GFAP: variants seen among roughly 807,000 people sequenced by gnomAD.
The protein encoded by GFAP is intermediate filament protein.
In GFAP, 38 loss-of-function variants were observed where a neutral mutation model predicts 49.3. That is an observed-to-expected ratio of 0.77 (90% CI 0.60 to 1.01). The LOEUF is 1.01. Ranked by LOEUF, GFAP falls within the 50% of genes least tolerant of loss-of-function variation. The pLI, the probability that GFAP is intolerant of heterozygous loss-of-function variation, is 0.00. For synonymous variants in GFAP, 222 were observed against 236.4 expected, an observed-to-expected ratio of 0.94 and a Z score of 0.56; for missense variants, 463 against 579.1, an observed-to-expected ratio of 0.80 and a Z score of 2.06.
chr17:44,910,706 C>G (rs772576087), intron 6 of GFAP, 48 bp from the exon 7 acceptor site: 1 of 1,566,250 alleles, frequency 6.4e-7, no homozygotes, highest in East Asian at 2.3e-5. Context: ...CTGGGACACC[C>G]CTAGGCTGGG....
intron 7 of GFAP, 183 bp downstream of exon 7, chr17:44,910,432 G>A: frequency 6.3e-7 from 1 of 1,580,562 alleles, no homozygotes; most frequent in Non-Finnish European, 8.6e-7. Context: ...GCAGCTGCAA[G>A]CCCCACCTAG....
In GFAP at chr17:44,913,797, AC is replaced by A; in HGVS notation, c.548del (p.Arg183LeufsTer18). 6.2e-7 allele frequency: 1 copy of A among 1,614,094 alleles called. No homozygotes were observed. Among genetic ancestry groups the A allele is most frequent in the Non-Finnish European group, 8.5e-7 (1 of 1,180,000 alleles). On this transcript the variant is annotated frameshift_variant, in exon 3 of 9. Transcript: ENST00000588735. LOFTEE classifies it high-confidence loss of function. ...ACTCAATCTTCCTCTCCAGATCCAG[AC>A]GGGCCAGGGTGGCTTCATCTGCTTC... is the stretch of plus-strand genomic sequence containing the variant. ...RQEADEATLARLDLERKIESL... is the reference protein window; with the variant it reads ...RQEADEATLAXLDLERKIESL...
chr17:44,914,381 A>G, intron 1 of GFAP: 13 of 448,862 alleles, frequency 2.9e-5, no homozygotes, highest in South Asian at 6.0e-5. Flanking sequence ...ACACACACAC[A>G]CACGCACATG....
In GFAP at chr17:44,903,420, C is replaced by T. The variant is rs568957290; in HGVS notation, c.*3927G>A. On this transcript the variant is annotated 3_prime_UTR_variant, in exon 9 of 9. Coordinates refer to ENST00000588735, the MANE Select transcript of GFAP (RefSeq NM_002055.5). Reference sequence around the variant, plus strand: ...AGGAGGGTGGGTTTCCTTCATCCCCCAGGTTGATGAAAGACTTTTCCACCA... The same window carrying T: ...AGGAGGGTGGGTTTCCTTCATCCCCTAGGTTGATGAAAGACTTTTCCACCA... The T allele has an allele frequency of 1.6e-6, 2 of 1,252,642 alleles. No homozygotes were observed. Among genetic ancestry groups the T allele is most frequent in the Admixed American group, 7.5e-5 (2 of 26,680 alleles). The allele number at this position is 1,252,642 out of a possible 1,614,324, so 77.6% of individuals were successfully genotyped here. A position where few individuals can be genotyped will look rare whatever the true frequency, so the allele number is the denominator to read the frequency against.
In GFAP at chr17:44,911,831, G is replaced by A. The variant is rs8065473; in HGVS notation, c.781-34C>T. 263 of 1,597,860 alleles carry A rather than the reference G, an allele frequency of 1.6e-4. No individual in the cohort carries two copies. The East Asian group carries it at 2.1e-3, about 13-fold the overall frequency. ...GGGACACATATGGGGGGCTGTGTGGGCCCATGGGCAGGCACGGGCTCTGGG... is the reference window on the plus strand; with the variant it reads ...GGGACACATATGGGGGGCTGTGTGGACCCATGGGCAGGCACGGGCTCTGGG... On this transcript the variant is annotated intron_variant, in intron 4 of 8. Coordinates refer to ENST00000588735, the MANE Select transcript of GFAP (RefSeq NM_002055.5).
intron 7 of GFAP, chr17:44,909,782 G>A (rs2051715882): frequency 8.9e-7 from 1 of 1,123,182 alleles, no homozygotes; most frequent in Non-Finnish European, 1.1e-6. Flanking sequence ...GGAGCCTCAG[G>A]GATGAAAGAA....
intron 1 of GFAP, chr17:44,914,509 C>G (rs73986422): frequency 4.4e-6 from 1 of 226,474 alleles, no homozygotes; most frequent in African/African-American, 2.3e-5. Flanking sequence ...TTATGACCAC[C>G]GCTTCACAGC....
intron 1 of GFAP, chr17:44,914,636 C>T (rs1055028247): frequency 3.6e-6 from 1 of 279,238 alleles, no homozygotes; most frequent in African/African-American, 2.2e-5. Context: ...AATCCAATCT[C>T]CCTCATGGAC....
At position 44,903,435 on chromosome 17, in the gene GFAP, CT is replaced by C; in HGVS notation, c.*3911del. On this transcript the variant is annotated 3_prime_UTR_variant, in exon 9 of 9. Coordinates refer to ENST00000588735, the MANE Select transcript of GFAP (RefSeq NM_002055.5). ...CTTCATCCCCCAGGTTGATGAAAGA[CT>C]TTTCCACCAGGCTGGCAGGGCAGGG... 8.0e-7 allele frequency: 1 copy of C among 1,251,572 alleles called. No homozygotes were observed. Among genetic ancestry groups the C allele is most frequent in the Non-Finnish European group, 1.0e-6 (1 of 999,664 alleles). 77.5% of individuals were successfully genotyped at this position (1,251,572 alleles called of 1,614,324 possible). A position where few individuals can be genotyped will look rare whatever the true frequency, so the allele number is the denominator to read the frequency against.
At position 44,905,849 on chromosome 17, in the gene GFAP, T is replaced by G. The variant is rs1357600020; in HGVS notation, c.*1498A>C. 6.6e-6 allele frequency: 1 copy of G among 152,406 alleles called. No homozygotes were observed. The highest frequency in any genetic ancestry group is 1.5e-5 in the Non-Finnish European group (1 of 68,258). The allele number at this position is 152,406 out of a possible 1,614,324, so 9.4% of individuals were successfully genotyped here. On this transcript the variant is annotated 3_prime_UTR_variant, in exon 9 of 9. Transcript: ENST00000588735. The stretch of plus-strand genomic sequence containing the variant: ...CATCTCTGGGCACAGATCCCACCAG[T>G]CTGCTCACCAGTCTGCTCAGTCAAA...
Position 44,910,637 on chromosome 17 carries a change from G to C in GFAP, c.1149C>G (p.Thr383=). 6.3e-7 allele frequency: 1 copy of C among 1,585,324 alleles called. No homozygotes were observed. The highest frequency in any genetic ancestry group is 8.6e-7 in the Non-Finnish European group (1 of 1,165,790). Residue 383 remains threonine (T), a synonymous_variant, in exon 7 of 9, where the codon ACC becomes ACG. Coordinates refer to ENST00000588735, the MANE Select transcript of GFAP (RefSeq NM_002055.5). ...EENRITIPVQ[T]FSNLQIRETS... ...GACCTCGAATCTGCAGGTTGGAGAA[G>C]GTCTGCACGGGAATGGTGATCCTGA... is the stretch of plus-strand genomic sequence containing the variant.
Position 44,915,162 on chromosome 17 carries a change from G to T in GFAP, c.325C>A (p.Pro109Thr). The T allele has an allele frequency of 1.2e-6, 2 of 1,614,150 alleles. No individual in the cohort carries two copies. The highest frequency in any genetic ancestry group is 1.7e-6 in the Non-Finnish European group (2 of 1,180,032). Residue 109 changes from proline to threonine, a missense_variant, in exon 1 of 9, where the codon CCC becomes ACC. Coordinates refer to ENST00000588735, the MANE Select transcript of GFAP (RefSeq NM_002055.5). The surrounding 1 kb of genome is among the most constrained non-coding windows in gnomAD (Gnocchi z 4.1). Reference sequence around the variant, plus strand: ...TGGTAGACGTCTGCCAGCTTGGTGGGCTCCTTGGCCCGCAGCTGGTTCAGC... The same window carrying T: ...TGGTAGACGTCTGCCAGCTTGGTGGTCTCCTTGGCCCGCAGCTGGTTCAGC... Reference protein sequence around the residue: ...AELNQLRAKEPTKLADVYQAE... With the variant: ...AELNQLRAKETTKLADVYQAE...
Position 44,907,266 on chromosome 17 carries a change from G to T in GFAP, c.*81C>A. The T allele has an allele frequency of 1.5e-6, 2 of 1,318,166 alleles. No homozygotes were observed. The highest frequency in any genetic ancestry group is 2.2e-6 in the Non-Finnish European group (2 of 911,156). 81.7% of individuals were successfully genotyped at this position (1,318,166 alleles called of 1,614,324 possible). A position where few individuals can be genotyped will look rare whatever the true frequency, so the allele number is the denominator to read the frequency against. On this transcript the variant is annotated 3_prime_UTR_variant, in exon 9 of 9. Transcript: ENST00000588735. ...GGGGAGCTCAGGTCTGGGGAAATGT[G>T]CCAGCAGAGGCGGAGCAACTATCCT...
rs780071216 is a variant in GFAP at position 44,904,845 on chromosome 17, A to G, written c.*2502T>C. On this transcript the variant is annotated 3_prime_UTR_variant, in exon 9 of 9. Coordinates refer to ENST00000588735, the MANE Select transcript of GFAP (RefSeq NM_002055.5). Reference sequence around the variant, plus strand: ...CACATCCGCTTCACCCAGCTGGATGACCGGGGCATCTACTATTGCTGGAGG... The same window carrying G: ...CACATCCGCTTCACCCAGCTGGATGGCCGGGGCATCTACTATTGCTGGAGG... 25 of 1,550,488 alleles carry G rather than the reference A, an allele frequency of 1.6e-5. No individual in the cohort carries two copies. In the Middle Eastern group the frequency reaches 5.0e-4, roughly 31 times the overall value.
At chr17:44,910,194 C>A in intron 7 of GFAP, 1 of 1,613,816 alleles carries the variant, frequency 6.2e-7, no homozygotes, top group East Asian at 2.2e-5. Context: ...TGGTATAACT[C>A]GTATTGTGAG....
At chr17:44,908,202 C>G in intron 7 of GFAP, 53 bp from the exon 8 acceptor site, 1 of 1,248,322 alleles carries the variant, frequency 8.0e-7, no homozygotes, top group Non-Finnish European at 1.2e-6. Flanking sequence ...CATGAGCCAT[C>G]CTCTCCCATG....
rs60045579 is a variant in GFAP at position 44,915,391 on chromosome 17, A to G, written c.96T>C (p.Gly32=). 1.7e-3 allele frequency: 2,734 copies of G among 1,607,250 alleles called. 30 individuals carry two copies. In the African/African-American group the frequency reaches 0.03, roughly 18 times the overall value. Reference sequence around the variant, plus strand: ...GAGCCAGGGAGAGGCGGGTGCCAGGACCCAGACGGCGGCCAGGAGCCAGGC... The same window carrying G: ...GAGCCAGGGAGAGGCGGGTGCCAGGGCCCAGACGGCGGCCAGGAGCCAGGC... ...VGGLAPGRRL[G]PGTRLSLARM... The change falls in exon 1 of 9, where the codon GGT becomes GGC. Residue 32 remains glycine (G), a synonymous_variant. Coordinates refer to ENST00000588735, the MANE Select transcript of GFAP (RefSeq NM_002055.5). The surrounding 1 kb of genome is among the most constrained non-coding windows in gnomAD (Gnocchi z 4.1).
chr17:44,911,322 C>T lies in GFAP; in HGVS notation c.1041G>A (p.Gln347=), dbSNP rs765830687. ...SLKDEMARHL[Q]EYQDLLNVKL... is the part of the protein sequence containing the mutation. ...TGACATTGAGCAGGTCCTGGTACTC[C>T]TGCAAGTGGCGGGCCATCTCGTCCT... Residue 347 remains glutamine, a synonymous_variant, in exon 6 of 9, where the codon CAG becomes CAA. Coordinates refer to ENST00000588735, the MANE Select transcript of GFAP (RefSeq NM_002055.5). 2 of 1,614,158 alleles carry T rather than the reference C, an allele frequency of 1.2e-6. No homozygotes were observed. The highest frequency in any genetic ancestry group is 1.7e-6 in the Non-Finnish European group (2 of 1,179,984).
Position 44,914,028 on chromosome 17 carries a change from C to CT in GFAP, c.521dup (p.Glu175GlyfsTer4), listed in dbSNP as rs2051845091. 1 of 1,557,772 alleles carries CT rather than the reference C, an allele frequency of 6.4e-7. No individual in the cohort carries two copies. Among genetic ancestry groups the CT allele is most frequent in the African/African-American group, 1.4e-5 (1 of 73,494 alleles). ...TGCCCCTCCCCTCCACCTCCCTGACCTGTCTATAGGCAGCCAGGTTGTTCT... is the reference window on the plus strand; with the variant it reads ...TGCCCCTCCCCTCCACCTCCCTGACCTTGTCTATAGGCAGCCAGGTTGTTCT... On this transcript the variant is annotated frameshift_variant and splice_region_variant, in exon 2 of 9. Coordinates refer to ENST00000588735, the MANE Select transcript of GFAP (RefSeq NM_002055.5). LOFTEE classifies it high-confidence loss of function.
Sources: allele counts gnomAD v4.1 joint callset, GRCh38; gene constraint gnomAD v4.1.1; non-coding constraint Gnocchi (gnomAD v3.1); transcripts MANE v1.5; gene names NCBI Gene and HGNC (gene_info 2026-07-23, HGNC 2026-07-21).